PCDH15: variants seen among roughly 807,000 people sequenced by gnomAD.
PCDH15 encodes the protein protocadherin related 15.
PCDH15 carries 129 observed loss-of-function variants against 178.5 expected under a neutral mutation model. The ratio of observed to expected loss-of-function variants is 0.72; its 90% confidence interval spans 0.63 to 0.84. The LOEUF (loss-of-function observed/expected upper bound fraction) is 0.84, where lower values mean the gene tolerates loss of function less well. Ranked by LOEUF, PCDH15 falls within the 40% of genes least tolerant of loss-of-function variation. The probability of loss-of-function intolerance (pLI) is 0.00; values close to 1 mark genes in which losing one functional copy is unlikely to be tolerated. For synonymous variants in PCDH15, 800 were observed against 732.0 expected, an observed-to-expected ratio of 1.09 and a Z score of -1.50; for missense variants, 2,230 against 2,099.9, an observed-to-expected ratio of 1.06 and a Z score of -1.21.
chr10:53,953,609 T>C (rs1387838796), intron 23 of PCDH15, among the ~76,000 whole-genome samples: 1 of 152,156 alleles, frequency 6.6e-6, no homozygotes, highest in Non-Finnish European at 1.5e-5. Context: ...AATATCTTAA[T>C]ATTATAAATT....
Position 53,825,048 on chromosome 10 carries a change from C to A in PCDH15, c.4367+2345G>T, listed in dbSNP as rs547467632. On this transcript the variant is annotated intron_variant, in intron 32 of 37. Transcript: ENST00000644397. ...AGTCTGTGGCAAAAGATGAAGATCA[C>A]TGTATTTACAGTACAACAGCATTTT... 9 of 1,374,904 alleles carry A rather than the reference C, an allele frequency of 6.5e-6. No individual in the cohort carries two copies. The African/African-American group carries it at 1.4e-4, about 21-fold the overall frequency. 85.2% of individuals were successfully genotyped at this position (1,374,904 alleles called of 1,614,324 possible).
chr10:54,494,736 C>T (rs967181915), intron 3 of PCDH15, among the ~76,000 whole-genome samples: 4 of 152,082 alleles, frequency 2.6e-5, no homozygotes, highest in Non-Finnish European at 5.9e-5. Flanking sequence ...CCTTTCTTCA[C>T]CTCACAATAA....
chr10:54,334,697 A>ACG, intron 6 of PCDH15, among the ~76,000 whole-genome samples: 1 of 148,746 alleles, frequency 6.7e-6, no homozygotes, highest in Non-Finnish European at 1.5e-5. Context: ...ACACACACAC[A>ACG]CACACACACA....
chr10:55,324,478 A>C (rs1167137782), upstream of PCDH15, among the ~76,000 whole-genome samples: 1 of 152,164 alleles, frequency 6.6e-6, no homozygotes, highest in Non-Finnish European at 1.5e-5. Flanking sequence ...AATCAACAAA[A>C]ATTTTAAAAC....
chr10:53,911,483 A>G (rs999796522), intron 25 of PCDH15, among the ~76,000 whole-genome samples: 2 of 152,214 alleles, frequency 1.3e-5, no homozygotes, highest in South Asian at 4.1e-4. Flanking sequence ...AATTTATAGC[A>G]CTAAATGCCC....
intron 2 of PCDH15, among the ~76,000 whole-genome samples, chr10:55,392,457 A>T (rs915181025): frequency 6.6e-6 from 1 of 152,206 alleles, no homozygotes; most frequent in African/African-American, 2.4e-5. Context: ...ACCTAAGGAA[A>T]ACTAAGGTAT....
intron 2 of PCDH15, among the ~76,000 whole-genome samples, chr10:54,601,569 G>A (rs1471202892): frequency 2.0e-5 from 3 of 151,918 alleles, no homozygotes; most frequent in Admixed American, 6.6e-5. Flanking sequence ...TGGAGAAGAG[G>A]GCTCACTTTT....
At chr10:55,552,003 C>T (rs770904926) in intron 2 of PCDH15, among the ~76,000 whole-genome samples, 1 of 151,578 alleles carries the variant, frequency 6.6e-6, no homozygotes, top group Admixed American at 6.6e-5. Context: ...TCTAAACTCT[C>T]GCTAAAAAGA....
At chr10:53,977,491 A>G (rs2090281941) in intron 21 of PCDH15, among the ~76,000 whole-genome samples, 1 of 152,240 alleles carries the variant, frequency 6.6e-6, no homozygotes, top group Non-Finnish European at 1.5e-5. Flanking sequence ...GTGTATGTGT[A>G]TCATGAGCTG....
chr10:55,429,875 TTA>T (rs1378602160), intron 2 of PCDH15, among the ~76,000 whole-genome samples: 1 of 152,174 alleles, frequency 6.6e-6, no homozygotes, highest in Admixed American at 6.5e-5. Flanking sequence ...AGTTTTCTGT[TTA>T]CATTTAATCT....
intron 28 of PCDH15, among the ~76,000 whole-genome samples, chr10:53,849,054 A>G (rs2078168345): frequency 6.6e-6 from 1 of 152,132 alleles, no homozygotes; most frequent in African/African-American, 2.4e-5. Context: ...AAGCAAAATG[A>G]AAATGTCCTC....
At chr10:55,054,586 T>C (rs1282500098) in intron 2 of PCDH15, among the ~76,000 whole-genome samples, 2 of 152,180 alleles carry the variant, frequency 1.3e-5, no homozygotes, top group Admixed American at 6.5e-5. Context: ...ATTTTATAGG[T>C]CTTTGAGGAA....
chr10:55,076,930 G>A (rs1219112018), intron 2 of PCDH15, among the ~76,000 whole-genome samples: 1 of 151,290 alleles, frequency 6.6e-6, no homozygotes, highest in Non-Finnish European at 1.5e-5. Context: ...CACCACGACT[G>A]GCTAATTTTG....
intron 1 of PCDH15, among the ~76,000 whole-genome samples, chr10:55,174,146 T>C (rs2132126562): frequency 6.6e-6 from 1 of 152,328 alleles, no homozygotes; most frequent in Non-Finnish European, 1.5e-5. Context: ...TTTAAATTGA[T>C]AAATGCTTAC....
chr10:53,944,048 C>A (rs1478600003), intron 23 of PCDH15, among the ~76,000 whole-genome samples: 1 of 151,884 alleles, frequency 6.6e-6, no homozygotes, highest in Non-Finnish European at 1.5e-5. Flanking sequence ...ATTCATTAAG[C>A]CAGATGGACA....
chr10:54,252,659 T>C (rs1283136753), intron 8 of PCDH15, among the ~76,000 whole-genome samples: 1 of 152,172 alleles, frequency 6.6e-6, no homozygotes, highest in South Asian at 2.1e-4. Context: ...TATGTAAATA[T>C]ATCTTTCTAA....
At chr10:55,362,617 C>G (rs1232005152) in intron 2 of PCDH15, among the ~76,000 whole-genome samples, 1 of 151,976 alleles carries the variant, frequency 6.6e-6, no homozygotes, top group Non-Finnish European at 1.5e-5. Context: ...TGGCCTTAAT[C>G]AGAATTCATC....
chr10:54,051,750 G>T (rs2093779437), intron 18 of PCDH15, among the ~76,000 whole-genome samples: 1 of 152,136 alleles, frequency 6.6e-6, no homozygotes, highest in South Asian at 2.1e-4. Context: ...CAAGACATTG[G>T]GGAAAATGTC....
intron 23 of PCDH15, among the ~76,000 whole-genome samples, chr10:53,945,052 T>A (rs1261703639): frequency 1.3e-5 from 2 of 152,230 alleles, no homozygotes; most frequent in African/African-American, 4.8e-5. Context: ...GAATCCGAAA[T>A]AATATTTGTT....
Sources: gnomAD v4.1 joint callset for allele counts (sites outside exome capture counted in the v4.1 genomes callset) on GRCh38, gnomAD v4.1.1 for gene constraint, MANE v1.5 for transcripts, NCBI Gene and HGNC (gene_info 2026-07-23, HGNC 2026-07-21) for gene names.